The following PTPRD variants were observed in gnomAD, a reference collection of about 807,000 sequenced individuals.
The protein encoded by PTPRD is receptor-type tyrosine-protein phosphatase delta.
In PTPRD, 34 loss-of-function variants were observed where a neutral mutation model predicts 214.5. That is an observed-to-expected ratio of 0.16 (90% CI 0.12 to 0.21). The LOEUF is 0.21. Ranked by LOEUF, PTPRD falls within the 10% of genes least tolerant of loss-of-function variation. The probability of loss-of-function intolerance (pLI) is 1.00; values close to 1 mark genes in which losing one functional copy is unlikely to be tolerated. For missense variants in PTPRD, 2,545 were observed against 2,398.7 expected (o/e 1.06, Z -1.27); for synonymous variants, 1,128 against 845.7 (o/e 1.33, Z -5.79).
At chr9:9,472,888 T>C (rs934615754) in intron 8 of PTPRD, among the ~76,000 whole-genome samples, 1 of 152,200 alleles carries the variant, frequency 6.6e-6, no homozygotes, top group African/African-American at 2.4e-5. Flanking sequence ...TGCAGTGATA[T>C]ATTATTACAT....
At chr9:10,223,122 T>A (rs369687646) in intron 3 of PTPRD, among the ~76,000 whole-genome samples, 1 of 152,122 alleles carries the variant, frequency 6.6e-6, no homozygotes, top group East Asian at 1.9e-4. Flanking sequence ...TTTCTTTTTG[T>A]TTTGTTCCTT....
At chr9:9,553,429 C>A (rs1245699386) in intron 8 of PTPRD, among the ~76,000 whole-genome samples, 1 of 151,998 alleles carries the variant, frequency 6.6e-6, no homozygotes, top group Non-Finnish European at 1.5e-5. Context: ...TAACAAATGA[C>A]ATAATTCCCA....
chr9:9,613,563 A>G (rs1307693558), intron 7 of PTPRD, among the ~76,000 whole-genome samples: 2 of 152,114 alleles, frequency 1.3e-5, no homozygotes, highest in Non-Finnish European at 2.9e-5. Context: ...TACAAAGCAT[A>G]TCCTTCATTG....
At chr9:9,396,136 C>G (rs1010976537) in intron 9 of PTPRD, among the ~76,000 whole-genome samples, 1 of 151,944 alleles carries the variant, frequency 6.6e-6, no homozygotes, top group Non-Finnish European at 1.5e-5. Flanking sequence ...AACAAAACAG[C>G]ATTTTTGCTG....
rs1460612042 is a variant in PTPRD at position 8,457,400 on chromosome 9, T to A, written c.3875+3011A>T. Among the ~76,000 whole-genome samples the A allele has an allele frequency of 2.0e-5, 3 of 152,176 alleles. No individual in the cohort carries two copies. In the East Asian group the frequency reaches 5.8e-4, roughly 29 times the overall value. ...ACATTAAAGATATACCAAATATATTTTAATTTTCTGATGATTCAGAGGGTA... is the reference window on the plus strand; with the variant it reads ...ACATTAAAGATATACCAAATATATTATAATTTTCTGATGATTCAGAGGGTA... On this transcript the variant is annotated intron_variant, in intron 33 of 45. Coordinates refer to ENST00000381196, the MANE Select transcript of PTPRD (RefSeq NM_002839.4).
intron 2 of PTPRD, among the ~76,000 whole-genome samples, chr9:10,372,627 G>A (rs888862224): frequency 4.0e-5 from 6 of 151,490 alleles, no homozygotes; most frequent in South Asian, 2.1e-4. Flanking sequence ...ATTCCATTAC[G>A]TCCTAGAGCC....
chr9:8,518,985 A>C (rs569228083), intron 20 of PTPRD, among the ~76,000 whole-genome samples: 11 of 152,198 alleles, frequency 7.2e-5, no homozygotes, highest in Non-Finnish European at 1.5e-4. Context: ...AAAGAACAAA[A>C]TGTGGAATAC....
intron 3 of PTPRD, among the ~76,000 whole-genome samples, chr9:10,278,421 G>A (rs1595980477): frequency 6.6e-6 from 1 of 152,274 alleles, no homozygotes; most frequent in East Asian, 1.9e-4. Context: ...GAGGTCAGTA[G>A]AGGGAGAGGC....
intron 5 of PTPRD, among the ~76,000 whole-genome samples, chr9:9,775,805 A>T (rs747595791): frequency 1.3e-5 from 2 of 151,934 alleles, no homozygotes; most frequent in Non-Finnish European, 2.9e-5. Context: ...ACAAACAAAA[A>T]AATAGCCGGG....
chr9:10,557,606 C>T (rs190816067), intron 2 of PTPRD, among the ~76,000 whole-genome samples: 1 of 152,134 alleles, frequency 6.6e-6, no homozygotes, highest in African/African-American at 2.4e-5. Flanking sequence ...GCTTCCAAAA[C>T]TTTGAGTATA....
At chr9:10,261,155 C>G (rs1238939371) in intron 3 of PTPRD, among the ~76,000 whole-genome samples, 1 of 150,094 alleles carries the variant, frequency 6.7e-6, no homozygotes, top group East Asian at 1.9e-4. Flanking sequence ...ATGAAACTAA[C>G]TTTTAAAGAC....
intron 7 of PTPRD, among the ~76,000 whole-genome samples, chr9:9,638,119 C>A (rs555007906): frequency 2.1e-4 from 32 of 152,324 alleles, no homozygotes; most frequent in African/African-American, 7.7e-4. Context: ...ATACTAATAT[C>A]CATATCAAAC....
intron 7 of PTPRD, among the ~76,000 whole-genome samples, chr9:9,713,747 A>G (rs573748380): frequency 2.4e-4 from 36 of 152,286 alleles, no homozygotes; most frequent in Admixed American, 7.8e-4. Context: ...GAAAGAGAAC[A>G]GAATATTGGT....
chr9:9,462,326 T>A (rs1018148253), intron 8 of PTPRD, among the ~76,000 whole-genome samples: 2 of 152,158 alleles, frequency 1.3e-5, no homozygotes, highest in Admixed American at 6.6e-5. Context: ...GAACTGACAT[T>A]CATTTGAAAT....
At chr9:9,178,719 G>C (rs1307390122) in intron 10 of PTPRD, among the ~76,000 whole-genome samples, 1 of 152,048 alleles carries the variant, frequency 6.6e-6, no homozygotes, top group Non-Finnish European at 1.5e-5. Context: ...TGAATTGCTA[G>C]TAAATCATTT....
chr9:8,562,847 C>CT (rs200639197), intron 14 of PTPRD, among the ~76,000 whole-genome samples: 4,286 of 122,886 alleles, frequency 0.035, 175 homozygotes, highest in East Asian at 0.17. Flanking sequence ...CAAAGATTTT[C>CT]TTTTTTTTTT....
intron 3 of PTPRD, among the ~76,000 whole-genome samples, chr9:10,099,720 G>T (rs1308960877): frequency 1.3e-5 from 2 of 151,390 alleles, no homozygotes; most frequent in Non-Finnish European, 3.0e-5. Context: ...CGTATGTTGG[G>T]TCTGCTTTTT....
In PTPRD at chr9:8,485,550, G is replaced by A. The variant is rs78415086; in HGVS notation, c.3055+212C>T. On this transcript the variant is annotated intron_variant, in intron 28 of 45. Transcript: ENST00000381196. ...CTCTATTGTGTTTTCCTTACCTGAG[G>A]ACATTGGGGTGCTGTCAGCCAGACT... 7.3e-4 allele frequency: 458 copies of A among 623,996 alleles called. 1 individual carries two copies. In the African/African-American group the frequency reaches 7.5e-3, roughly 10 times the overall value. The allele number at this position is 623,996 out of a possible 1,614,324, so 38.7% of individuals were successfully genotyped here. A position where few individuals can be genotyped will look rare whatever the true frequency, so the allele number is the denominator to read the frequency against.
chr9:8,693,613 C>T (rs1030453675), intron 12 of PTPRD, among the ~76,000 whole-genome samples: 8 of 152,106 alleles, frequency 5.3e-5, no homozygotes, highest in Non-Finnish European at 1.2e-4. Context: ...TGTCCATATT[C>T]GATGTAAGTG....
Sources: gnomAD v4.1 joint callset for allele counts (sites outside exome capture counted in the v4.1 genomes callset) on GRCh38, gnomAD v4.1.1 for gene constraint, MANE v1.5 for transcripts, NCBI Gene and HGNC (gene_info 2026-07-23, HGNC 2026-07-21) for gene names.